The following SYT16 variants were observed in gnomAD, a reference collection of about 807,000 sequenced individuals.
SYT16 encodes synaptotagmin 16, also known as synaptotagmin-16.
In SYT16, 42 loss-of-function variants were observed where a neutral mutation model predicts 61.4. The observed-to-expected ratio is 0.68, with a 90% CI of 0.53 to 0.89. The LOEUF (loss-of-function observed/expected upper bound fraction) is 0.89. Ranked by LOEUF, SYT16 falls within the 40% of genes least tolerant of loss-of-function variation. The probability of loss-of-function intolerance (pLI) is 0.00; values close to 1 mark genes in which losing one functional copy is unlikely to be tolerated. For missense variants in SYT16, 804 were observed against 807.3 expected (o/e 1.00, Z 0.05); for synonymous variants, 314 against 302.3 (o/e 1.04, Z -0.40).
intron 3 of SYT16, among the ~76,000 whole-genome samples, chr14:62,016,349 A>G (rs1446660596): frequency 6.6e-6 from 1 of 152,154 alleles, no homozygotes; most frequent in East Asian, 1.9e-4. Flanking sequence ...ACATTTAATA[A>G]GATCATCATC....
intron 1 of SYT16, among the ~76,000 whole-genome samples, chr14:61,821,242 A>G (rs186115648): frequency 6.6e-6 from 1 of 152,166 alleles, no homozygotes; most frequent in East Asian, 1.9e-4. Context: ...GTGCATTACA[A>G]TATCTTTCCT....
At chr14:62,007,542 T>A (rs2053270666) in intron 3 of SYT16, among the ~76,000 whole-genome samples, 1 of 152,172 alleles carries the variant, frequency 6.6e-6, no homozygotes, top group Admixed American at 6.6e-5. Context: ...TTCAAAGCCT[T>A]AACGTTTAAG....
intron 3 of SYT16, among the ~76,000 whole-genome samples, chr14:62,066,970 C>A: frequency 6.6e-6 from 1 of 152,148 alleles, no homozygotes; most frequent in Non-Finnish European, 1.5e-5. Flanking sequence ...GCTGAACCTG[C>A]TGTAAGAGGT....
In SYT16 at chr14:61,823,801, C is replaced by T. The variant is rs56025304; in HGVS notation, c.-325+10991C>T. 5.8e-3 allele frequency among the ~76,000 whole-genome samples: 883 copies of T among 152,206 alleles called. 5 individuals are homozygous for T. The highest frequency in any genetic ancestry group is 0.02 in the African/African-American group (842 of 41,540). ...TGATAGAAATCTAGAAACTGGACAGCGACTGACTGCTTTATGATACTGTTC... is the reference window on the plus strand; with the variant it reads ...TGATAGAAATCTAGAAACTGGACAGTGACTGACTGCTTTATGATACTGTTC... On this transcript the variant is annotated intron_variant, in intron 1 of 7. Coordinates refer to ENST00000683842, the MANE Select transcript of SYT16 (RefSeq NM_001367656.1).
intron 3 of SYT16, among the ~76,000 whole-genome samples, chr14:61,998,435 G>A (rs1276138246): frequency 2.0e-5 from 3 of 151,898 alleles, no homozygotes; most frequent in African/African-American, 7.2e-5. Flanking sequence ...TCATATAAAT[G>A]GATGTACACA....
intron 1 of SYT16, among the ~76,000 whole-genome samples, chr14:61,909,463 C>T (rs2048846110): frequency 1.3e-5 from 2 of 152,278 alleles, no homozygotes; most frequent in South Asian, 4.1e-4. Context: ...TGTTTCTTGG[C>T]TTGTGATTAC....
intron 1 of SYT16, among the ~76,000 whole-genome samples, chr14:61,892,979 G>A (rs2048192652): frequency 6.6e-6 from 1 of 152,056 alleles, no homozygotes; most frequent in South Asian, 2.1e-4. Context: ...TCAGTGTGGT[G>A]ACTCAGGTGT....
At chr14:61,948,854 T>C (rs2050553159) in intron 1 of SYT16, among the ~76,000 whole-genome samples, 1 of 152,118 alleles carries the variant, frequency 6.6e-6, no homozygotes, top group Non-Finnish European at 1.5e-5. Flanking sequence ...AACCAGGAGA[T>C]TCTGGTGATG....
intron 3 of SYT16, among the ~76,000 whole-genome samples, chr14:62,013,705 C>T (rs75320921): frequency 0.065 from 9,938 of 152,178 alleles, 330 homozygotes; most frequent in African/African-American, 0.071. Flanking sequence ...GTGGCTCATG[C>T]CCGTAATCCC....
chr14:62,061,210 TCCCTAGAAC>T (rs774409524), intron 3 of SYT16, among the ~76,000 whole-genome samples: 13 of 152,004 alleles, frequency 8.6e-5, no homozygotes, highest in Non-Finnish European at 1.5e-4. Flanking sequence ...TAGGACACAA[TCCCTAGAAC>T]AACCGTTGAC....
intron 3 of SYT16, among the ~76,000 whole-genome samples, chr14:62,065,682 A>G (rs764656028): frequency 1.3e-5 from 2 of 152,186 alleles, no homozygotes; most frequent in Admixed American, 6.5e-5. Flanking sequence ...AAGCACTCCA[A>G]TTGTTGTCTA....
intron 1 of SYT16, among the ~76,000 whole-genome samples, chr14:61,931,847 C>T (rs1189437746): frequency 1.3e-5 from 2 of 152,118 alleles, no homozygotes; most frequent in Non-Finnish European, 2.9e-5. Flanking sequence ...GTGTGCTGCA[C>T]CCATTAGAAT....
chr14:62,010,438 T>C (rs151064861), intron 3 of SYT16, among the ~76,000 whole-genome samples: 5 of 152,222 alleles, frequency 3.3e-5, no homozygotes, highest in Non-Finnish European at 7.4e-5. Context: ...TGTGCAAATA[T>C]TTGAGGGAAG....
intron 7 of SYT16, among the ~76,000 whole-genome samples, chr14:62,098,352 G>A (rs2057332161): frequency 1.3e-5 from 2 of 152,190 alleles, no homozygotes; most frequent in African/African-American, 4.8e-5. Context: ...ATGTGTGCAT[G>A]TTAGTAGTAA....
chr14:62,089,147 A>G (rs1239210761), intron 7 of SYT16, among the ~76,000 whole-genome samples: 1 of 152,016 alleles, frequency 6.6e-6, no homozygotes, highest in African/African-American at 2.4e-5. Flanking sequence ...GTGAAACCCC[A>G]TGCCTACTAA....
chr14:61,904,521 T>C (rs911607373), intron 1 of SYT16, among the ~76,000 whole-genome samples: 2 of 152,170 alleles, frequency 1.3e-5, no homozygotes, highest in Non-Finnish European at 2.9e-5. Context: ...GAGCTGTGAG[T>C]GCTGGCTTTT....
At chr14:61,819,175 A>G (rs894095674) in intron 1 of SYT16, among the ~76,000 whole-genome samples, 4 of 152,348 alleles carry the variant, frequency 2.6e-5, no homozygotes, top group Admixed American at 6.5e-5. Context: ...TGGGAGGAAT[A>G]AACCTTCCCT....
In SYT16 at chr14:61,979,088, C is replaced by T. The variant is rs1188822700; in HGVS notation, c.-145+8777C>T. Reference sequence around the variant, plus strand: ...TAACATTCTGTTTTCCTTTTATGCCCATATAAGGAAGAATAATGACAAATT... The same window carrying T: ...TAACATTCTGTTTTCCTTTTATGCCTATATAAGGAAGAATAATGACAAATT... On this transcript the variant is annotated intron_variant, in intron 2 of 7. Transcript: ENST00000683842. Among the ~76,000 whole-genome samples, 5 of 151,950 alleles carry T rather than the reference C, an allele frequency of 3.3e-5. 1 individual carries two copies. Among genetic ancestry groups the T allele is most frequent in the African/African-American group, 1.2e-4 (5 of 41,322 alleles).
intron 1 of SYT16, among the ~76,000 whole-genome samples, chr14:61,938,209 G>A (rs999135623): frequency 2.0e-5 from 3 of 152,100 alleles, no homozygotes; most frequent in African/African-American, 4.8e-5. Flanking sequence ...GCTTTCACAC[G>A]TTTTCCTCCT....
Sources: allele counts gnomAD v4.1 joint callset (sites outside exome capture counted in the v4.1 genomes callset), GRCh38; gene constraint gnomAD v4.1.1; transcripts MANE v1.5; gene names NCBI Gene and HGNC (gene_info 2026-07-23, HGNC 2026-07-21).